PTPRD: variants seen among roughly 807,000 people sequenced by gnomAD.
PTPRD encodes the protein receptor-type tyrosine-protein phosphatase delta.
PTPRD carries 34 observed loss-of-function variants against 214.5 expected under a neutral mutation model. The ratio of observed to expected loss-of-function variants is 0.16; its 90% CI spans 0.12 to 0.21. The LOEUF (loss-of-function observed/expected upper bound fraction) is 0.21. Among genes scored for constraint, PTPRD ranks in the 10% least tolerant of loss-of-function variants. The pLI is 1.00. For missense variants in PTPRD, 2,545 were observed against 2,398.7 expected, an observed-to-expected ratio of 1.06 and a Z score of -1.27; for synonymous variants, 1,128 against 845.7, an observed-to-expected ratio of 1.33 and a Z score of -5.79.
chr9:9,918,096 A>C (rs968508436), intron 5 of PTPRD, among the ~76,000 whole-genome samples: 5 of 152,002 alleles, frequency 3.3e-5, no homozygotes, highest in African/African-American at 1.2e-4. Context: ...TACAAATTGG[A>C]AAGAAAGAAG....
chr9:9,739,954 T>C (rs1034929531), intron 6 of PTPRD, among the ~76,000 whole-genome samples: 2 of 152,272 alleles, frequency 1.3e-5, no homozygotes, highest in South Asian at 4.1e-4. Flanking sequence ...AATATAAATA[T>C]CTATGTTTTA....
intron 5 of PTPRD, among the ~76,000 whole-genome samples, chr9:9,895,943 C>T (rs543043520): frequency 3.0e-4 from 46 of 151,890 alleles, no homozygotes; most frequent in Non-Finnish European, 5.6e-4. Flanking sequence ...TTATATGGCA[C>T]GTAGGTAGAA....
At chr9:8,335,206 C>G (rs535127417) in intron 43 of PTPRD, among the ~76,000 whole-genome samples, 1 of 151,154 alleles carries the variant, frequency 6.6e-6, no homozygotes. Context: ...AAAGAAAATT[C>G]CAGGCCAATA....
chr9:8,973,712 G>C (rs561979022), intron 11 of PTPRD, among the ~76,000 whole-genome samples: 2 of 152,106 alleles, frequency 1.3e-5, no homozygotes, highest in East Asian at 1.9e-4. Flanking sequence ...TTTCTCTGTA[G>C]CCTCTCCAGC....
chr9:9,745,345 G>C (rs1166613944), intron 6 of PTPRD, among the ~76,000 whole-genome samples: 1 of 151,878 alleles, frequency 6.6e-6, no homozygotes, highest in Non-Finnish European at 1.5e-5. Flanking sequence ...TACTTTTTTT[G>C]TTAAGCTGCT....
chr9:8,918,686 A>T (rs2098804565), intron 11 of PTPRD, among the ~76,000 whole-genome samples: 4 of 152,164 alleles, frequency 2.6e-5, no homozygotes, highest in Admixed American at 1.3e-4. Flanking sequence ...CCTAAAACGT[A>T]CAATTTTGCT....
At chr9:10,380,749 A>T (rs1192940212) in intron 2 of PTPRD, among the ~76,000 whole-genome samples, 2 of 149,074 alleles carry the variant, frequency 1.3e-5, no homozygotes, top group Non-Finnish European at 3.0e-5. Context: ...TTATTTCTGC[A>T]GCCCTTGTCA....
At chr9:9,688,589 G>A (rs1015875459) in intron 7 of PTPRD, among the ~76,000 whole-genome samples, 1 of 151,792 alleles carries the variant, frequency 6.6e-6, no homozygotes, top group Non-Finnish European at 1.5e-5. Context: ...ATATGAGTAC[G>A]ACAAAGTTTG....
At chr9:10,057,578 G>A (rs551901027) in intron 3 of PTPRD, among the ~76,000 whole-genome samples, 1 of 152,124 alleles carries the variant, frequency 6.6e-6, no homozygotes, top group Non-Finnish European at 1.5e-5. Context: ...AAGTAGTGTG[G>A]CTCACGCCTG....
At chr9:10,199,718 T>A (rs2099411995) in intron 3 of PTPRD, among the ~76,000 whole-genome samples, 1 of 152,002 alleles carries the variant, frequency 6.6e-6, no homozygotes, top group African/African-American at 2.4e-5. Context: ...GGAGCAAATC[T>A]GAATTTCCAA....
chr9:9,033,071 G>A (rs1008467932), intron 10 of PTPRD, among the ~76,000 whole-genome samples: 6 of 152,014 alleles, frequency 3.9e-5, no homozygotes, highest in African/African-American at 1.4e-4. Context: ...TTTCCTAATG[G>A]AGATGCGTTT....
chr9:10,603,263 A>C (rs1374015442), intron 2 of PTPRD, among the ~76,000 whole-genome samples: 1 of 151,832 alleles, frequency 6.6e-6, no homozygotes, highest in Non-Finnish European at 1.5e-5. Flanking sequence ...TGCCACGCTT[A>C]ACTCTCAACT....
chr9:10,502,121 C>A lies in PTPRD; in HGVS notation c.-600+110277G>T, dbSNP rs183743965. On this transcript the variant is annotated intron_variant, in intron 2 of 45. Coordinates refer to ENST00000381196, the MANE Select transcript of PTPRD (RefSeq NM_002839.4). ...GCAAGAGAAAAGAAAACAAACATTTCATGGTGAGAAAAGAAAGCCAACATG... is the reference window on the plus strand; with the variant it reads ...GCAAGAGAAAAGAAAACAAACATTTAATGGTGAGAAAAGAAAGCCAACATG... Among the ~76,000 whole-genome samples the A allele has an allele frequency of 1.5e-4, 23 of 151,890 alleles. No individual in the cohort carries two copies. The East Asian group carries it at 4.1e-3, about 27-fold the overall frequency.
intron 11 of PTPRD, among the ~76,000 whole-genome samples, chr9:8,985,221 G>A (rs2890842): frequency 0.58 from 87,636 of 151,744 alleles, 25,465 homozygotes; most frequent in East Asian, 0.72. Context: ...ACATACCAAG[G>A]ATATACTAGG....
chr9:9,952,524 T>C (rs2093550683), intron 4 of PTPRD, among the ~76,000 whole-genome samples: 2 of 152,122 alleles, frequency 1.3e-5, no homozygotes, highest in African/African-American at 4.8e-5. Context: ...CAATGGAAGA[T>C]TGTTTCTCAC....
chr9:8,715,734 C>T (rs2098425301), intron 12 of PTPRD, among the ~76,000 whole-genome samples: 1 of 152,158 alleles, frequency 6.6e-6, no homozygotes, highest in Non-Finnish European at 1.5e-5. Flanking sequence ...TTAGTGTCAC[C>T]TCAATAATCA....
chr9:10,303,575 G>C (rs1410066307), intron 3 of PTPRD, among the ~76,000 whole-genome samples: 1 of 152,054 alleles, frequency 6.6e-6, no homozygotes, highest in Admixed American at 6.6e-5. Flanking sequence ...AAATAATAAA[G>C]GGGATATCAC....
chr9:9,493,205 G>A (rs1389331941), intron 8 of PTPRD, among the ~76,000 whole-genome samples: 1 of 151,950 alleles, frequency 6.6e-6, no homozygotes, highest in Non-Finnish European at 1.5e-5. Context: ...TAAGAATAAT[G>A]CTTAAGGTAC....
chr9:9,071,486 T>C (rs940876437), intron 10 of PTPRD, among the ~76,000 whole-genome samples: 1 of 152,094 alleles, frequency 6.6e-6, no homozygotes, highest in African/African-American at 2.4e-5. Context: ...GGCTTGGTGA[T>C]GCAAGCAGTC....
Sources: allele counts gnomAD v4.1 joint callset (sites outside exome capture counted in the v4.1 genomes callset), GRCh38; gene constraint gnomAD v4.1.1; transcripts MANE v1.5; gene names NCBI Gene and HGNC (gene_info 2026-07-23, HGNC 2026-07-21).